STK38L: variants seen among roughly 807,000 people sequenced by gnomAD.
STK38L encodes the protein serine/threonine kinase 38 like, also known as serine/threonine-protein kinase 38-like.
STK38L carries 28 observed loss-of-function variants against 59.7 expected under a neutral mutation model. The ratio of observed to expected loss-of-function variants is 0.47; its 90% CI spans 0.35 to 0.64. STK38L has a LOEUF of 0.64. Among genes scored for constraint, STK38L ranks in the 30% least tolerant of loss-of-function variants. The probability of loss-of-function intolerance (pLI) is 0.01; values close to 1 mark genes in which losing one functional copy is unlikely to be tolerated. For missense variants in STK38L, 314 were observed against 555.8 expected (o/e 0.56, Z 4.37); for synonymous variants, 162 against 176.8 (o/e 0.92, Z 0.66).
intron 1 of STK38L, among the ~76,000 whole-genome samples, chr12:27,267,157 C>T (rs1314540534): frequency 2.0e-5 from 3 of 151,924 alleles, no homozygotes; most frequent in Non-Finnish European, 2.9e-5. Context: ...TGTAAATTTG[C>T]CCATCATTCA....
intron 1 of STK38L, among the ~76,000 whole-genome samples, chr12:27,244,885 C>G (rs1184818509): frequency 1.3e-5 from 2 of 152,242 alleles, no homozygotes; most frequent in African/African-American, 2.4e-5. Flanking sequence ...TAGAATCTGT[C>G]TTTACCATTG....
intron 1 of STK38L, among the ~76,000 whole-genome samples, chr12:27,248,193 G>C (rs1942897312): frequency 6.6e-6 from 1 of 152,150 alleles, no homozygotes; most frequent in Non-Finnish European, 1.5e-5. Flanking sequence ...GTTAATGATT[G>C]AATGTTGGTC....
chr12:27,302,491 A>G (rs963806980), intron 3 of STK38L: 2 of 202,046 alleles, frequency 9.9e-6, no homozygotes, highest in South Asian at 1.6e-4. Context: ...TTTTCTAAAT[A>G]TTCTTTTAAA....
chr12:27,269,699 A>G (rs1015944572), intron 1 of STK38L, among the ~76,000 whole-genome samples: 12 of 152,130 alleles, frequency 7.9e-5, no homozygotes, highest in African/African-American at 1.2e-4. Context: ...CTGCAGTGCA[A>G]TGGCGTGATC....
intron 1 of STK38L, among the ~76,000 whole-genome samples, chr12:27,267,303 C>T (rs12397502): frequency 3.9e-5 from 6 of 152,120 alleles, no homozygotes; most frequent in South Asian, 4.1e-4. Flanking sequence ...AGAACTTGGC[C>T]GGGCATGGTG....
In STK38L at chr12:27,308,907, T is replaced by TTAATATATATA. The variant is rs1203911114; in HGVS notation, c.310-207_310-206insTAATATATATA. 2.7e-4 allele frequency among the ~76,000 whole-genome samples: 40 copies of TTAATATATATA among 146,070 alleles called. 1 individual carries two copies. The highest frequency in any genetic ancestry group is 8.9e-4 in the African/African-American group (36 of 40,294). On this transcript the variant is annotated intron_variant, in intron 4 of 13. Coordinates refer to ENST00000389032, the MANE Select transcript of STK38L (RefSeq NM_015000.4). The surrounding 1 kb of genome is among the most constrained non-coding windows in gnomAD (Gnocchi z 4.5). The stretch of plus-strand genomic sequence containing the variant: ...ATAAATGTAAATATATAAATATATA[T>TTAATATATATA]AAATATATATTAATATATATAAAAT...
At position 27,317,774 on chromosome 12, in the gene STK38L, G is replaced by A. The variant is rs1944622204; in HGVS notation, c.956-122G>A. The A allele has an allele frequency of 7.6e-6, 9 of 1,191,042 alleles. No individual in the cohort carries two copies. In the South Asian group the frequency reaches 1.4e-4, roughly 18 times the overall value. 73.8% of individuals were successfully genotyped at this position (1,191,042 alleles called of 1,614,324 possible). A position where few individuals can be genotyped will look rare whatever the true frequency, so the allele number is the denominator to read the frequency against. On this transcript the variant is annotated intron_variant, in intron 10 of 13. Coordinates refer to ENST00000389032, the MANE Select transcript of STK38L (RefSeq NM_015000.4). ...CGTGATTGTAAATTGATGAATGGTG[G>A]CATTTTTGACTGTTAAATAGAGCAC... is the stretch of plus-strand genomic sequence containing the variant.
At position 27,297,764 on chromosome 12, in the gene STK38L, A is replaced by G. The variant is rs147758452; in HGVS notation, c.44A>G (p.Asn15Ser). ...AGTTTTFPMS[N>S]HTRERVTVAK... is the part of the protein sequence containing the mutation. ...ACTACAACAACCTTTCCTATGAGCAACCATACCCGGGAAAGAGTGACTGTA... is the reference window on the plus strand; with the variant it reads ...ACTACAACAACCTTTCCTATGAGCAGCCATACCCGGGAAAGAGTGACTGTA... The change falls in exon 2 of 14, where the codon AAC (asparagine) becomes AGC (serine). Residue 15 changes from asparagine to serine, a missense_variant. This residue lies in a region of STK38L where 192 missense variants were observed against 316.9 expected (regional missense o/e 0.61). Transcript: ENST00000389032. The G allele has an allele frequency of 5.4e-5, 87 of 1,613,980 alleles. No homozygotes were observed. The highest frequency in any genetic ancestry group is 6.9e-5 in the Non-Finnish European group (81 of 1,179,990).
Position 27,314,948 on chromosome 12 carries a change from G to A in STK38L, c.673-67G>A. On this transcript the variant is annotated intron_variant, in intron 7 of 13. Transcript: ENST00000389032. Reference sequence around the variant, plus strand: ...TTTATTATAATTGCCATTTAATAGAGGAGTTTATAACAAGGCTTTTTGTTT... The same window carrying A: ...TTTATTATAATTGCCATTTAATAGAAGAGTTTATAACAAGGCTTTTTGTTT... 3.4e-6 allele frequency: 4 copies of A among 1,184,204 alleles called. No individual in the cohort carries two copies. The South Asian group carries it at 6.1e-5, about 18-fold the overall frequency. 73.4% of individuals were successfully genotyped at this position (1,184,204 alleles called of 1,614,324 possible).
chr12:27,247,748 G>A (rs1942885303), intron 1 of STK38L, among the ~76,000 whole-genome samples: 1 of 151,264 alleles, frequency 6.6e-6, no homozygotes, highest in South Asian at 2.1e-4. Flanking sequence ...GGGCTCAGAT[G>A]ATCTTCTTGC....
chr12:27,256,170 T>C (rs905880002), intron 1 of STK38L, among the ~76,000 whole-genome samples: 3 of 152,266 alleles, frequency 2.0e-5, no homozygotes, highest in Non-Finnish European at 2.9e-5. Context: ...CTTTCCCTGC[T>C]ACCAGTCTTG....
intron 3 of STK38L, among the ~76,000 whole-genome samples, chr12:27,303,104 C>T (rs138352488): frequency 6.6e-6 from 1 of 151,830 alleles, no homozygotes; most frequent in Admixed American, 6.6e-5. Flanking sequence ...CCGCCCCCGA[C>T]GCTGACAAGT....
At chr12:27,280,532 T>C (rs1302711205) in intron 1 of STK38L, among the ~76,000 whole-genome samples, 1 of 152,190 alleles carries the variant, frequency 6.6e-6, no homozygotes, top group African/African-American at 2.4e-5. Context: ...CTTTTTCTTT[T>C]GGGCCTCTTG....
Position 27,312,698 on chromosome 12 carries a change from C to T in STK38L, c.517+26C>T, listed in dbSNP as rs1309141342. The T allele has an allele frequency of 3.1e-6, 5 of 1,610,236 alleles. No individual in the cohort carries two copies. The African/African-American group carries it at 4.0e-5, about 13-fold the overall frequency. On this transcript the variant is annotated intron_variant, in intron 6 of 13. Coordinates refer to ENST00000389032, the MANE Select transcript of STK38L (RefSeq NM_015000.4). ...GTAAAAGCAAACATTGTATCAATGACAGACTGATACAAGCACATCTTTATA... is the reference window on the plus strand; with the variant it reads ...GTAAAAGCAAACATTGTATCAATGATAGACTGATACAAGCACATCTTTATA...
At chr12:27,255,713 C>T (rs749530996) in intron 1 of STK38L, among the ~76,000 whole-genome samples, 1 of 152,138 alleles carries the variant, frequency 6.6e-6, no homozygotes, top group South Asian at 2.1e-4. Flanking sequence ...TGTCCCCAAT[C>T]CTCTTCTCAC....
At position 27,321,998 on chromosome 12, in the gene STK38L, C is replaced by T. The variant is rs569452830; in HGVS notation, c.1176-145C>T. ...AATTATACTCAACTATTTTGAACTC[C>T]CTTTAACTAATCTCAAATCCACAAT... On this transcript the variant is annotated intron_variant, in intron 12 of 13. Transcript: ENST00000389032. The T allele has an allele frequency of 4.8e-6, 3 of 623,932 alleles. No individual in the cohort carries two copies. The East Asian group carries it at 8.7e-5, about 18-fold the overall frequency. The allele number at this position is 623,932 out of a possible 1,614,324, so 38.6% of individuals were successfully genotyped here. A position where few individuals can be genotyped will look rare whatever the true frequency, so the allele number is the denominator to read the frequency against.
chr12:27,281,404 CTG>C (rs1943655031), intron 1 of STK38L, among the ~76,000 whole-genome samples: 1 of 152,100 alleles, frequency 6.6e-6, no homozygotes, highest in Non-Finnish European at 1.5e-5. Flanking sequence ...CTTTGTTTAA[CTG>C]ACTCTGGTTG....
chr12:27,308,732 T>C lies in STK38L; in HGVS notation c.309+271T>C, dbSNP rs1279448401. Among the ~76,000 whole-genome samples, 1 of 151,404 alleles carries C rather than the reference T, an allele frequency of 6.6e-6. No individual in the cohort carries two copies. The highest frequency in any genetic ancestry group is 1.9e-4 in the East Asian group (1 of 5,182). On this transcript the variant is annotated intron_variant, in intron 4 of 13. Coordinates refer to ENST00000389032, the MANE Select transcript of STK38L (RefSeq NM_015000.4). The surrounding 1 kb of genome is among the most constrained non-coding windows in gnomAD (Gnocchi z 4.5). ...TACTTGGGAGGCTGAGGCAGGAGAA[T>C]CGCTTGAGCCCAGGAGGCAGAAGTT...
intron 11 of STK38L, 81 bp downstream of exon 11, chr12:27,318,100 G>A: frequency 6.6e-7 from 1 of 1,525,476 alleles, no homozygotes; most frequent in Non-Finnish European, 8.9e-7. Flanking sequence ...ACTTTTGTGG[G>A]GGAAGAGGGG....
Sources: allele counts gnomAD v4.1 joint callset (sites outside exome capture counted in the v4.1 genomes callset), GRCh38; gene constraint gnomAD v4.1.1; regional missense constraint gnomAD v4.1.1; non-coding constraint Gnocchi (gnomAD v3.1); transcripts MANE v1.5; gene names NCBI Gene and HGNC (gene_info 2026-07-23, HGNC 2026-07-21).